The following GBX1 variants were observed in gnomAD, a reference collection of about 807,000 sequenced individuals.
The protein encoded by GBX1 is gastrulation brain homeobox 1.
In GBX1, 9 loss-of-function variants were observed where a neutral mutation model predicts 22.9. That is an observed-to-expected ratio of 0.39 (90% CI 0.24 to 0.69). GBX1 has a LOEUF of 0.69. Ranked by LOEUF, GBX1 falls within the 30% of genes least tolerant of loss-of-function variation. The probability of loss-of-function intolerance (pLI) is 0.43; values close to 1 mark genes in which losing one functional copy is unlikely to be tolerated. For missense variants in GBX1, 494 were observed against 509.2 expected (o/e 0.97, Z 0.29); for synonymous variants, 203 against 227.3 (o/e 0.89, Z 0.96).
chr7:151,164,763 C>T (rs1422585492), intron 1 of GBX1, among the ~76,000 whole-genome samples: 2 of 133,904 alleles, frequency 1.5e-5, no homozygotes, highest in African/African-American at 5.4e-5. Context: ...CCAAGAACAA[C>T]ACAAATTTCC....
Position 151,167,416 on chromosome 7 carries a change from C to G in GBX1, c.133G>C (p.Gly45Arg). 8 of 1,517,738 alleles carry G rather than the reference C, an allele frequency of 5.3e-6. No homozygotes were observed. The highest frequency in any genetic ancestry group is 7.1e-6 in the Non-Finnish European group (8 of 1,134,346). 94.0% of individuals were successfully genotyped at this position (1,517,738 alleles called of 1,614,324 possible). A position where few individuals can be genotyped will look rare whatever the true frequency, so the allele number is the denominator to read the frequency against. The change falls in exon 1 of 2, where the codon GGC becomes CGC. Residue 45 changes from glycine to arginine, a missense_variant. Transcript: ENST00000297537. The surrounding 1 kb of genome is among the most constrained non-coding windows in gnomAD (Gnocchi z 5.9). ...CGGTAGGGCATGAACATGGGGTAGC[C>G]GGTGTACAGCAAGTGGCCGGAGCGC... ...PPRSGHLLYT[G>R]YPMFMPYRPL...
At chr7:151,156,189 G>T in intron 1 of GBX1, among the ~76,000 whole-genome samples, 1 of 151,814 alleles carries the variant, frequency 6.6e-6, no homozygotes. Context: ...TTGGAGACCA[G>T]CCTGGCCAAC....
At chr7:151,165,092 C>T (rs962717677) in intron 1 of GBX1, among the ~76,000 whole-genome samples, 1 of 151,960 alleles carries the variant, frequency 6.6e-6, no homozygotes, top group Admixed American at 6.6e-5. Flanking sequence ...AGCAGAGAAC[C>T]CTCTCCTTCT....
At chr7:151,159,567 A>G (rs544736798) in intron 1 of GBX1, among the ~76,000 whole-genome samples, 1 of 152,250 alleles carries the variant, frequency 6.6e-6, no homozygotes, top group South Asian at 2.1e-4. Flanking sequence ...TTTGGTAGAG[A>G]CAAGGTCTCA....
At chr7:151,150,769 T>C (rs1801071166) in intron 1 of GBX1, among the ~76,000 whole-genome samples, 1 of 152,154 alleles carries the variant, frequency 6.6e-6, no homozygotes, top group Non-Finnish European at 1.5e-5. Flanking sequence ...ACTCTCACTC[T>C]GTCAGCAAGG....
At chr7:151,159,043 C>A (rs1264038581) in intron 1 of GBX1, among the ~76,000 whole-genome samples, 2 of 152,036 alleles carry the variant, frequency 1.3e-5, no homozygotes, top group African/African-American at 4.8e-5. Context: ...TTGCACTACA[C>A]CTCATCTCTT....
chr7:151,160,222 T>A (rs546510996), intron 1 of GBX1, among the ~76,000 whole-genome samples: 1 of 152,244 alleles, frequency 6.6e-6, no homozygotes, highest in Non-Finnish European at 1.5e-5. Flanking sequence ...TTGCTTAGGC[T>A]AATCAGTTTA....
Position 151,148,563 on chromosome 7 carries a change from G to A in GBX1, c.*26C>T, listed in dbSNP as rs147290569. On this transcript the variant is annotated 3_prime_UTR_variant, in exon 2 of 2. Coordinates refer to ENST00000297537, the MANE Select transcript of GBX1 (RefSeq NM_001098834.3). This position sits in a 1 kb window ranked among gnomAD's most constrained non-coding sequence, Gnocchi z 5.1. ...GAGCAGGCTCAGGTACAGATCCCTCGCCTTCCTAAGTTCTTGGGTGCCCAT... is the reference window on the plus strand; with the variant it reads ...GAGCAGGCTCAGGTACAGATCCCTCACCTTCCTAAGTTCTTGGGTGCCCAT... 1,555 of 1,601,368 alleles carry A rather than the reference G, an allele frequency of 9.7e-4. 2 individuals are homozygous for A. The highest frequency in any genetic ancestry group is 2.8e-3 in the African/African-American group (210 of 74,582).
At chr7:151,156,631 T>G (rs924180811) in intron 1 of GBX1, among the ~76,000 whole-genome samples, 1 of 152,046 alleles carries the variant, frequency 6.6e-6, no homozygotes, top group African/African-American at 2.4e-5. Flanking sequence ...TTTCTCCCGT[T>G]CTTTTGTCCT....
chr7:151,151,414 T>C (rs1245684125), intron 1 of GBX1, among the ~76,000 whole-genome samples: 1 of 152,176 alleles, frequency 6.6e-6, no homozygotes, highest in East Asian at 1.9e-4. Context: ...ATCTATGTTG[T>C]TTTCTCTAAG....
chr7:151,155,935 A>AG (rs1801128440), intron 1 of GBX1, among the ~76,000 whole-genome samples: 2 of 152,198 alleles, frequency 1.3e-5, no homozygotes, highest in South Asian at 4.1e-4. Flanking sequence ...GTCTAGCATC[A>AG]GAGAGGGACA....
In GBX1 at chr7:151,167,171, GGCA is replaced by G; in HGVS notation, c.375_377del (p.Ala130del). The G allele has an allele frequency of 6.3e-7, 1 of 1,580,554 alleles. No homozygotes were observed. Among genetic ancestry groups the G allele is most frequent in the Non-Finnish European group, 8.6e-7 (1 of 1,165,912 alleles). On this transcript the variant is annotated inframe_deletion, in exon 1 of 2. Coordinates refer to ENST00000297537, the MANE Select transcript of GBX1 (RefSeq NM_001098834.3). The surrounding 1 kb of genome is among the most constrained non-coding windows in gnomAD (Gnocchi z 5.9). ...TTCGGGCGGCAGTGGCGGCGGCGGC[GGCA>G]GCGGCGGCGGCGAGCTCCTGGGGCC...
At chr7:151,163,611 G>A (rs987625930) in intron 1 of GBX1, among the ~76,000 whole-genome samples, 3 of 152,086 alleles carry the variant, frequency 2.0e-5, no homozygotes, top group Non-Finnish European at 2.9e-5. Flanking sequence ...GATTAATGTT[G>A]AAATAATATT....
At chr7:151,154,106 C>T (rs1247397527) in intron 1 of GBX1, among the ~76,000 whole-genome samples, 2 of 152,014 alleles carry the variant, frequency 1.3e-5, no homozygotes, top group African/African-American at 2.4e-5. Context: ...GGGGTGTTGG[C>T]GTGCGCCTGT....
In GBX1 at chr7:151,167,174, A is replaced by AGCGGCGGCG. The variant is rs755035910; in HGVS notation, c.366_374dup (p.Ala128_Ala130dup). 1.3e-6 allele frequency: 2 copies of AGCGGCGGCG among 1,579,492 alleles called. No homozygotes were observed. Among genetic ancestry groups the AGCGGCGGCG allele is most frequent in the Non-Finnish European group, 8.6e-7 (1 of 1,165,452 alleles). On this transcript the variant is annotated inframe_insertion, in exon 1 of 2. Transcript: ENST00000297537. This position sits in a 1 kb window ranked among gnomAD's most constrained non-coding sequence, Gnocchi z 5.9. ...GGGCGGCAGTGGCGGCGGCGGCGGC[A>AGCGGCGGCG]GCGGCGGCGGCGAGCTCCTGGGGCC...
intron 1 of GBX1, among the ~76,000 whole-genome samples, chr7:151,153,242 C>A (rs546813068): frequency 6.6e-6 from 1 of 152,266 alleles, no homozygotes; most frequent in East Asian, 1.9e-4. Flanking sequence ...TCTACCTTTC[C>A]CCCCAGAATA....
chr7:151,148,565 C>G lies in GBX1; in HGVS notation c.*24G>C. On this transcript the variant is annotated 3_prime_UTR_variant, in exon 2 of 2. Coordinates refer to ENST00000297537, the MANE Select transcript of GBX1 (RefSeq NM_001098834.3). The surrounding 1 kb of genome is among the most constrained non-coding windows in gnomAD (Gnocchi z 5.1). ...GCAGGCTCAGGTACAGATCCCTCGC[C>G]TTCCTAAGTTCTTGGGTGCCCATTC... is the stretch of plus-strand genomic sequence containing the variant. 6.2e-7 allele frequency: 1 copy of G among 1,604,948 alleles called. No individual in the cohort carries two copies. Among genetic ancestry groups the G allele is most frequent in the Non-Finnish European group, 8.5e-7 (1 of 1,174,294 alleles).
chr7:151,163,131 T>C (rs1380819336), intron 1 of GBX1, among the ~76,000 whole-genome samples: 2 of 152,102 alleles, frequency 1.3e-5, no homozygotes, highest in African/African-American at 4.8e-5. Flanking sequence ...CATTCACGGC[T>C]CTTTTCATCA....
At chr7:151,155,637 C>T (rs1381249423) in intron 1 of GBX1, among the ~76,000 whole-genome samples, 1 of 152,096 alleles carries the variant, frequency 6.6e-6, no homozygotes, top group African/African-American at 2.4e-5. Flanking sequence ...CATCCAGAAC[C>T]CCTCCCAGCT....
Sources: allele counts gnomAD v4.1 joint callset (sites outside exome capture counted in the v4.1 genomes callset), GRCh38; gene constraint gnomAD v4.1.1; non-coding constraint Gnocchi (gnomAD v3.1); transcripts MANE v1.5; gene names NCBI Gene and HGNC (gene_info 2026-07-23, HGNC 2026-07-21).